The following PARD3 variants were observed in gnomAD, a reference collection of about 807,000 sequenced individuals.
PARD3 encodes the protein par-3 family cell polarity regulator, also known as partitioning defective 3 homolog.
A neutral mutation model predicts 155.4 loss-of-function variants in PARD3; 75 were observed. The ratio of observed to expected loss-of-function variants is 0.48; its 90% CI spans 0.40 to 0.58. The LOEUF is 0.58. Among genes scored for constraint, PARD3 ranks in the 20% least tolerant of loss-of-function variants. The probability of loss-of-function intolerance (pLI) is 0.00; values close to 1 mark genes in which losing one functional copy is unlikely to be tolerated. For missense variants in PARD3, 1,642 were observed against 1,721.7 expected, an observed-to-expected ratio of 0.95 and a Z score of 0.82; for synonymous variants, 576 against 610.5, an observed-to-expected ratio of 0.94 and a Z score of 0.83.
At chr10:34,633,847 G>T (rs1268407489) in intron 2 of PARD3, among the ~76,000 whole-genome samples, 2 of 152,180 alleles carry the variant, frequency 1.3e-5, no homozygotes, top group Non-Finnish European at 2.9e-5. Context: ...TGGTCATTTT[G>T]TGGGGTCTTC....
intron 2 of PARD3, among the ~76,000 whole-genome samples, chr10:34,569,875 A>G (rs1259363453): frequency 6.7e-6 from 1 of 149,012 alleles, no homozygotes. Flanking sequence ...TAGTTATGCA[A>G]GATTTTTCTT....
chr10:34,190,962 CAT>C (rs1378742766), intron 22 of PARD3, among the ~76,000 whole-genome samples: 1 of 151,738 alleles, frequency 6.6e-6, no homozygotes, highest in East Asian at 1.9e-4. Context: ...GGAGAGGAGA[CAT>C]ATGAGTGCAA....
chr10:34,331,899 CAGTT>C (rs1007993939), intron 18 of PARD3, among the ~76,000 whole-genome samples: 4 of 152,168 alleles, frequency 2.6e-5, no homozygotes, highest in Non-Finnish European at 4.4e-5. Flanking sequence ...GTCACCAAAA[CAGTT>C]AGGGCAACCT....
At chr10:34,194,315 C>A (rs559817724) in intron 22 of PARD3, among the ~76,000 whole-genome samples, 32 of 152,286 alleles carry the variant, frequency 2.1e-4, no homozygotes, top group Non-Finnish European at 4.3e-4. Context: ...CCACCCAGAG[C>A]AGTAACAGGA....
chr10:34,257,771 C>T (rs907952849), intron 22 of PARD3, among the ~76,000 whole-genome samples: 1 of 152,150 alleles, frequency 6.6e-6, no homozygotes, highest in Non-Finnish European at 1.5e-5. Flanking sequence ...ATTGTGGTTT[C>T]GGGCAATGTT....
At chr10:34,119,464 C>T in intron 24 of PARD3, 149 bp downstream of exon 24, 1 of 740,534 alleles carries the variant, frequency 1.4e-6, no homozygotes, top group Non-Finnish European at 2.0e-6. Context: ...CGCTAAGGAA[C>T]AGTAGCCACG....
At chr10:34,348,826 A>T (rs1036435150) in intron 14 of PARD3, among the ~76,000 whole-genome samples, 1 of 152,256 alleles carries the variant, frequency 6.6e-6, no homozygotes, top group Non-Finnish European at 1.5e-5. Context: ...TTTCAAAAAC[A>T]TATACAATCT....
At chr10:34,764,877 G>A (rs532636355) in intron 1 of PARD3, among the ~76,000 whole-genome samples, 18 of 152,278 alleles carry the variant, frequency 1.2e-4, no homozygotes, top group African/African-American at 4.3e-4. Context: ...AGTGCTCAAA[G>A]TACTGTTAAG....
At chr10:34,379,581 T>C (rs1841617219) in intron 9 of PARD3, among the ~76,000 whole-genome samples, 2 of 152,142 alleles carry the variant, frequency 1.3e-5, no homozygotes, top group South Asian at 4.1e-4. Context: ...TTTTTTGAAC[T>C]ATGAATGCTG....
chr10:34,222,248 A>G (rs1179464802), intron 22 of PARD3, among the ~76,000 whole-genome samples: 1 of 152,158 alleles, frequency 6.6e-6, no homozygotes. Context: ...CAGCATTTTC[A>G]TTTTGCACAA....
chr10:34,521,271 G>T (rs981494891), intron 2 of PARD3, among the ~76,000 whole-genome samples: 1 of 150,922 alleles, frequency 6.6e-6, no homozygotes, highest in Non-Finnish European at 1.5e-5. Context: ...AAATTTAAGT[G>T]CCAGGTCCCA....
At chr10:34,725,459 CA>C (rs1447767635) in intron 1 of PARD3, among the ~76,000 whole-genome samples, 1 of 151,934 alleles carries the variant, frequency 6.6e-6, no homozygotes, top group Non-Finnish European at 1.5e-5. Context: ...CCAGCCCAGT[CA>C]AAACTTTTCA....
intron 2 of PARD3, among the ~76,000 whole-genome samples, chr10:34,679,504 A>C (rs750022805): frequency 1.2e-4 from 18 of 152,192 alleles, no homozygotes; most frequent in Non-Finnish European, 2.2e-4. Flanking sequence ...GAGTGTGACT[A>C]TTTTGTTAAG....
intron 1 of PARD3, among the ~76,000 whole-genome samples, chr10:34,759,463 G>A (rs1837163384): frequency 1.3e-5 from 2 of 152,208 alleles, no homozygotes; most frequent in South Asian, 2.1e-4. Flanking sequence ...AAAGTGACTG[G>A]TATCTATTCC....
At chr10:34,515,313 T>G (rs2081647681) in intron 3 of PARD3, among the ~76,000 whole-genome samples, 1 of 152,234 alleles carries the variant, frequency 6.6e-6, no homozygotes, top group Non-Finnish European at 1.5e-5. Flanking sequence ...TTTCACAAAA[T>G]TAGTTTCTTG....
chr10:34,483,956 T>C (rs574350226), intron 3 of PARD3, among the ~76,000 whole-genome samples: 423 of 152,314 alleles, frequency 2.8e-3, no homozygotes, highest in Non-Finnish European at 4.4e-3. Context: ...CTATAACTCA[T>C]ACCTGAACAA....
At chr10:34,123,152 A>AC (rs995606766) in intron 23 of PARD3, among the ~76,000 whole-genome samples, 35 of 152,098 alleles carry the variant, frequency 2.3e-4, no homozygotes, top group Non-Finnish European at 3.7e-4. Context: ...TAAAAAAAAA[A>AC]CATGGCTGCC....
intron 3 of PARD3, among the ~76,000 whole-genome samples, chr10:34,506,397 C>T (rs1047719273): frequency 2.0e-5 from 3 of 152,136 alleles, no homozygotes; most frequent in Non-Finnish European, 4.4e-5. Context: ...TGGGAAGTTT[C>T]CTAAGGAGCT....
chr10:34,443,912 C>T (rs2076601064), intron 5 of PARD3, among the ~76,000 whole-genome samples: 2 of 152,182 alleles, frequency 1.3e-5, no homozygotes, highest in Admixed American at 6.5e-5. Flanking sequence ...TGAGACTTGA[C>T]ACTGGATGGT....
Sources: gnomAD v4.1 joint callset for allele counts (sites outside exome capture counted in the v4.1 genomes callset) on GRCh38, gnomAD v4.1.1 for gene constraint, MANE v1.5 for transcripts, NCBI Gene and HGNC (gene_info 2026-07-23, HGNC 2026-07-21) for gene names.